DTNA: variants seen among roughly 807,000 people sequenced by gnomAD.
DTNA encodes dystrobrevin alpha, also known as dystrophin-related protein 3.
A neutral mutation model predicts 100.7 loss-of-function variants in DTNA; 43 were observed. The ratio of observed to expected loss-of-function variants is 0.43; its 90% confidence interval spans 0.33 to 0.55. The LOEUF is 0.55. DTNA is among the 20% of genes least tolerant of loss of function. DTNA has a pLI of 0.04. For synonymous variants in DTNA, 349 were observed against 347.9 expected (o/e 1.00, Z -0.04); for missense variants, 798 against 953.9 (o/e 0.84, Z 2.15).
chr18:34,750,809 T>C (rs1039628421), intron 1 of DTNA, among the ~76,000 whole-genome samples: 2 of 152,250 alleles, frequency 1.3e-5, no homozygotes, highest in Admixed American at 6.5e-5. Flanking sequence ...TGCGTAATAG[T>C]AATGTGTATT....
At chr18:34,665,275 C>T (rs919443322) in intron 1 of DTNA, among the ~76,000 whole-genome samples, 4 of 151,970 alleles carry the variant, frequency 2.6e-5, no homozygotes, top group African/African-American at 9.7e-5. Context: ...TTACAAACAA[C>T]AACAACAAAA....
intron 1 of DTNA, among the ~76,000 whole-genome samples, chr18:34,651,870 C>G (rs767375901): frequency 6.6e-5 from 10 of 152,150 alleles, no homozygotes; most frequent in Non-Finnish European, 1.0e-4. Context: ...TTGAGACCAG[C>G]CTGAGGAACA....
chr18:34,884,904 C>A, intron 22 of DTNA, 128 bp downstream of exon 22: 1 of 1,129,152 alleles, frequency 8.9e-7, no homozygotes, highest in Non-Finnish European at 1.3e-6. Context: ...TCCTTAACTG[C>A]TGATATCGAA....
intron 1 of DTNA, among the ~76,000 whole-genome samples, chr18:34,749,643 A>AAAAAAT (rs1210485347): frequency 5.0e-5 from 2 of 39,810 alleles, no homozygotes; most frequent in Non-Finnish European, 1.0e-4. Context: ...TCTCTCCAAA[A>AAAAAAT]AATAATAATA....
At chr18:34,779,290 T>C (rs575065053) in intron 3 of DTNA, among the ~76,000 whole-genome samples, 82 of 152,292 alleles carry the variant, frequency 5.4e-4, no homozygotes, top group Non-Finnish European at 9.6e-4. Context: ...CCCATATTCA[T>C]GTGCAGATGG....
chr18:34,689,411 G>T (rs1390392556), intron 1 of DTNA, among the ~76,000 whole-genome samples: 1 of 152,106 alleles, frequency 6.6e-6, no homozygotes, highest in Non-Finnish European at 1.5e-5. Context: ...CTCTGCTGCA[G>T]GTCTGCTGGA....
chr18:34,867,259 C>G (rs185505712), intron 17 of DTNA: 2 of 1,231,342 alleles, frequency 1.6e-6, no homozygotes, highest in African/African-American at 3.1e-5. Context: ...CATTTTTACC[C>G]TTCATTCCCA....
chr18:34,611,901 A>G (rs999044009), intron 1 of DTNA, among the ~76,000 whole-genome samples: 6 of 152,164 alleles, frequency 3.9e-5, no homozygotes, highest in African/African-American at 7.2e-5. Context: ...AGCACATCAC[A>G]TGCTACCTGG....
intron 5 of DTNA, among the ~76,000 whole-genome samples, 172 bp downstream of exon 5, chr18:34,806,476 A>G (rs2095363914): frequency 6.6e-6 from 1 of 152,214 alleles, no homozygotes; most frequent in Non-Finnish European, 1.5e-5. Context: ...ATATTTTCAT[A>G]TTAGATAAAT....
intron 7 of DTNA, among the ~76,000 whole-genome samples, chr18:34,816,436 A>C (rs924662044): frequency 1.3e-5 from 2 of 152,222 alleles, no homozygotes; most frequent in African/African-American, 2.4e-5. Context: ...GCACCCTGTT[A>C]ATCTTTAGTC....
chr18:34,833,404 CTGTGTGTGTGTGTG>C lies in DTNA; in HGVS notation c.1175+3934_1175+3947del, dbSNP rs58409064. Among the ~76,000 whole-genome samples the C allele has an allele frequency of 2.8e-5, 4 of 144,900 alleles. No homozygotes were observed. In the Admixed American group the frequency reaches 2.8e-4, roughly 10 times the overall value. Reference sequence around the variant, plus strand: ...TACTTTTCCAGAACCCATTGTGTCACTGTGTGTGTGTGTGTGTGTGTGTGTGTGTGTGAGAAAAA... The same window carrying C: ...TACTTTTCCAGAACCCATTGTGTCACTGTGTGTGTGTGTGTGTGAGAAAAA... On this transcript the variant is annotated intron_variant, in intron 11 of 22. Coordinates refer to ENST00000444659, the MANE Select transcript of DTNA (RefSeq NM_001386795.1).
At chr18:34,821,064 T>G in intron 9 of DTNA, 149 bp downstream of exon 9, 3 of 1,245,152 alleles carry the variant, frequency 2.4e-6, no homozygotes, top group Non-Finnish European at 3.4e-6. Flanking sequence ...CATCATAATT[T>G]TTTGTTGTTG....
intron 1 of DTNA, among the ~76,000 whole-genome samples, chr18:34,716,037 C>T (rs890813675): frequency 4.6e-5 from 7 of 152,076 alleles, no homozygotes; most frequent in Admixed American, 1.3e-4. Context: ...TAGCAGTGTA[C>T]ACTGGGTGCA....
intron 1 of DTNA, among the ~76,000 whole-genome samples, chr18:34,581,782 C>T (rs545241233): frequency 1.8e-4 from 28 of 151,922 alleles, no homozygotes; most frequent in Non-Finnish European, 4.0e-4. Flanking sequence ...CACCACCATG[C>T]CCCGCTAATT....
rs372730835 is a variant in DTNA at position 34,532,813 on chromosome 18, A to T, written c.-2+39299A>T. Reference sequence around the variant, plus strand: ...ATAGAACGAATAGATTTTAAAAATTAGAAGCCATGTGGTCAGGGTTGTGTT... The same window carrying T: ...ATAGAACGAATAGATTTTAAAAATTTGAAGCCATGTGGTCAGGGTTGTGTT... On this transcript the variant is annotated intron_variant, in intron 1 of 19. Coordinates refer to the DTNA transcript ENST00000283365. 3.9e-5 allele frequency among the ~76,000 whole-genome samples: 6 copies of T among 152,018 alleles called. No homozygotes were observed. The East Asian group carries it at 1.2e-3, about 30-fold the overall frequency.
At chr18:34,815,786 T>G in intron 6 of DTNA, 123 bp from the exon 7 acceptor site, 1 of 887,412 alleles carries the variant, frequency 1.1e-6, no homozygotes, top group South Asian at 1.4e-5. Context: ...AAGTTCTGTT[T>G]CTTCAGATAT....
chr18:34,524,637 G>C (rs1426897603), intron 1 of DTNA, among the ~76,000 whole-genome samples: 5 of 152,106 alleles, frequency 3.3e-5, no homozygotes, highest in African/African-American at 9.7e-5. Context: ...TTTGGACAGA[G>C]CAAAATTATT....
intron 1 of DTNA, among the ~76,000 whole-genome samples, chr18:34,534,694 C>T (rs1431215525): frequency 6.6e-6 from 1 of 152,020 alleles, no homozygotes; most frequent in Non-Finnish European, 1.5e-5. Context: ...CTCCCTGTGT[C>T]CATGTGTTCT....
At chr18:34,704,504 C>T (rs975912800) in intron 1 of DTNA, among the ~76,000 whole-genome samples, 3 of 152,208 alleles carry the variant, frequency 2.0e-5, no homozygotes, top group Admixed American at 6.5e-5. Flanking sequence ...GATTTTTCCC[C>T]TCCTTAACAT....
Sources: allele counts gnomAD v4.1 joint callset (sites outside exome capture counted in the v4.1 genomes callset), GRCh38; gene constraint gnomAD v4.1.1; transcripts MANE v1.5; gene names NCBI Gene and HGNC (gene_info 2026-07-23, HGNC 2026-07-21).